SYT16: variants seen among roughly 807,000 people sequenced by gnomAD.
SYT16 encodes the protein synaptotagmin 16.
A neutral mutation model predicts 61.4 loss-of-function variants in SYT16; 42 were observed. That is an observed-to-expected ratio of 0.68 (90% CI 0.53 to 0.89). The LOEUF (loss-of-function observed/expected upper bound fraction) is 0.89, where lower values mean the gene tolerates loss of function less well. Ranked by LOEUF, SYT16 falls within the 40% of genes least tolerant of loss-of-function variation. The pLI, the probability that SYT16 is intolerant of heterozygous loss-of-function variation, is 0.00. For synonymous variants in SYT16, 314 were observed against 302.3 expected (o/e 1.04, Z -0.40); for missense variants, 804 against 807.3 (o/e 1.00, Z 0.05).
chr14:61,812,215 T>A (rs1594662337), upstream of SYT16: 1 of 152,306 alleles, frequency 6.6e-6, no homozygotes. Context: ...GGAGAGCTCC[T>A]GCCCCGGAGG....
chr14:61,840,194 C>T (rs1221040659), intron 1 of SYT16, among the ~76,000 whole-genome samples: 1 of 152,056 alleles, frequency 6.6e-6, no homozygotes, highest in African/African-American at 2.4e-5. Context: ...AGAGAAGAAG[C>T]AGATTTGGAG....
At position 62,014,833 on chromosome 14, in the gene SYT16, A is replaced by G. The variant is rs192770699; in HGVS notation, c.523+18291A>G. 3.5e-3 allele frequency among the ~76,000 whole-genome samples: 530 copies of G among 152,258 alleles called. 4 individuals are homozygous for G. The highest frequency in any genetic ancestry group is 0.012 in the African/African-American group (515 of 41,558). ...TCTGCATCAGATTTCATATTTTCTC[A>G]TACAAAAAGCCTTCCAGTACAACTT... On this transcript the variant is annotated intron_variant, in intron 3 of 7. Coordinates refer to ENST00000683842, the MANE Select transcript of SYT16 (RefSeq NM_001367656.1).
At chr14:61,839,551 G>A (rs1324182649) in intron 1 of SYT16, among the ~76,000 whole-genome samples, 1 of 152,130 alleles carries the variant, frequency 6.6e-6, no homozygotes, top group Non-Finnish European at 1.5e-5. Context: ...CATCTGCTTG[G>A]TGGGAAAAGA....
At chr14:61,907,818 T>TG (rs1306244451) in intron 1 of SYT16, among the ~76,000 whole-genome samples, 6 of 152,270 alleles carry the variant, frequency 3.9e-5, no homozygotes, top group Non-Finnish European at 5.9e-5. Context: ...TCCTAAAGGC[T>TG]GACTGGCTAC....
At chr14:61,960,618 T>C (rs2051078778) in intron 1 of SYT16, among the ~76,000 whole-genome samples, 1 of 152,192 alleles carries the variant, frequency 6.6e-6, no homozygotes. Flanking sequence ...TATGGGGTTT[T>C]CTAGGTATAG....
chr14:61,826,951 C>T (rs754557329), intron 1 of SYT16, among the ~76,000 whole-genome samples: 1 of 151,928 alleles, frequency 6.6e-6, no homozygotes, highest in Non-Finnish European at 1.5e-5. Flanking sequence ...AGAAAGCTCT[C>T]GTGTTTTTTC....
chr14:62,009,012 G>A (rs1390815284), intron 3 of SYT16, among the ~76,000 whole-genome samples: 1 of 152,044 alleles, frequency 6.6e-6, no homozygotes, highest in Non-Finnish European at 1.5e-5. Context: ...CTTAAAGTAG[G>A]TAGTTTCTTT....
intron 1 of SYT16, among the ~76,000 whole-genome samples, chr14:61,930,063 C>A (rs369419501): frequency 1.3e-5 from 2 of 152,196 alleles, no homozygotes; most frequent in African/African-American, 4.8e-5. Context: ...CCTTCCTGAC[C>A]CATGTGGTGC....
At position 62,079,582 on chromosome 14, in the gene SYT16, G is replaced by A. The variant is rs182656627; in HGVS notation, c.994-1252G>A. Reference sequence around the variant, plus strand: ...ACTTTCACCCAGACTATGTGGGAAAGTTTCATTGATGGATGCACATTTTGA... The same window carrying A: ...ACTTTCACCCAGACTATGTGGGAAAATTTCATTGATGGATGCACATTTTGA... On this transcript the variant is annotated intron_variant, in intron 5 of 7. Coordinates refer to ENST00000683842, the MANE Select transcript of SYT16 (RefSeq NM_001367656.1). 9.8e-5 allele frequency among the ~76,000 whole-genome samples: 15 copies of A among 152,300 alleles called. No homozygotes were observed. The East Asian group carries it at 2.7e-3, about 27-fold the overall frequency.
intron 1 of SYT16, among the ~76,000 whole-genome samples, chr14:61,833,242 G>A (rs752583665): frequency 1.3e-4 from 19 of 151,516 alleles, no homozygotes; most frequent in Non-Finnish European, 2.2e-4. Flanking sequence ...CTCAACCTGT[G>A]CAAGTCCTAG....
At chr14:61,960,588 A>T (rs554639428) in intron 1 of SYT16, among the ~76,000 whole-genome samples, 1 of 152,308 alleles carries the variant, frequency 6.6e-6, no homozygotes, top group South Asian at 2.1e-4. Context: ...TATCAGATCA[A>T]GGAGCTTTTG....
chr14:62,029,757 C>A (rs1021938130), intron 3 of SYT16, among the ~76,000 whole-genome samples: 1 of 150,488 alleles, frequency 6.6e-6, no homozygotes. Context: ...CCTCTGACCT[C>A]GCTTTTGATG....
intron 1 of SYT16, among the ~76,000 whole-genome samples, chr14:61,906,690 AG>A (rs779203370): frequency 1.0e-4 from 15 of 150,548 alleles, no homozygotes; most frequent in Non-Finnish European, 7.4e-5. Flanking sequence ...CACTAACTCA[AG>A]ATGTACCATC....
intron 1 of SYT16, among the ~76,000 whole-genome samples, chr14:61,839,531 C>T (rs1360678850): frequency 2.6e-5 from 4 of 152,040 alleles, no homozygotes; most frequent in East Asian, 3.9e-4. Flanking sequence ...TTAGCTGTGC[C>T]GTGAGAAAGC....
At position 62,043,832 on chromosome 14, in the gene SYT16, A is replaced by G. The variant is rs1211752690; in HGVS notation, c.524-25771A>G. Among the ~76,000 whole-genome samples the G allele has an allele frequency of 4.6e-5, 7 of 152,098 alleles. No homozygotes were observed. In the East Asian group the frequency reaches 1.3e-3, roughly 29 times the overall value. On this transcript the variant is annotated intron_variant, in intron 3 of 7. Transcript: ENST00000683842. ...TTTCATAATACTTAAACTTCTTTGC[A>G]TGACTGCTACAAACTGTTTTTGTAG...
At chr14:62,008,748 T>C (rs896694000) in intron 3 of SYT16, among the ~76,000 whole-genome samples, 2 of 152,030 alleles carry the variant, frequency 1.3e-5, no homozygotes, top group Non-Finnish European at 2.9e-5. Context: ...TTTGCAACTT[T>C]TTTCCTTCCT....
chr14:61,842,400 C>T (rs72716772), intron 1 of SYT16, among the ~76,000 whole-genome samples: 11,012 of 152,176 alleles, frequency 0.072, 504 homozygotes, highest in Non-Finnish European at 0.1. Context: ...AATTTTAGGT[C>T]CCACAAATAA....
intron 1 of SYT16, among the ~76,000 whole-genome samples, chr14:61,832,596 C>A (rs2045975982): frequency 1.3e-5 from 2 of 152,104 alleles, no homozygotes; most frequent in Admixed American, 1.3e-4. Flanking sequence ...GCCACCATGC[C>A]TGGCTAATTT....
intron 3 of SYT16, among the ~76,000 whole-genome samples, chr14:62,063,129 A>T (rs571998558): frequency 6.6e-6 from 1 of 152,222 alleles, no homozygotes; most frequent in African/African-American, 2.4e-5. Flanking sequence ...GGGAAAAAGG[A>T]TTGTAAGGTA....
Sources: allele counts gnomAD v4.1 joint callset (sites outside exome capture counted in the v4.1 genomes callset), GRCh38; gene constraint gnomAD v4.1.1; transcripts MANE v1.5; gene names NCBI Gene and HGNC (gene_info 2026-07-23, HGNC 2026-07-21).